COL16A1: variants seen among roughly 807,000 people sequenced by gnomAD.
COL16A1 encodes the protein collagen type XVI alpha 1 chain.
COL16A1 carries 189 observed loss-of-function variants against 266.3 expected under a neutral mutation model. The observed-to-expected ratio is 0.71, with a 90% CI of 0.63 to 0.80. The LOEUF (loss-of-function observed/expected upper bound fraction) is 0.80. Ranked by LOEUF, COL16A1 falls within the 30% of genes least tolerant of loss-of-function variation. COL16A1 has a pLI of 0.00. For synonymous variants in COL16A1, 740 were observed against 782.3 expected (o/e 0.95, Z 0.90); for missense variants, 1,928 against 2,122.4 (o/e 0.91, Z 1.80).
Position 31,668,655 on chromosome 1 carries a change from T to A in COL16A1, c.3249+147A>T, listed in dbSNP as rs1570411361. ...CTGGGGGAGTGTGGAAACCTCACAC[T>A]GAGGGAATCCCGGCAGAAGGGCAGA... On this transcript the variant is annotated intron_variant, in intron 50 of 70. Coordinates refer to ENST00000373672, the MANE Select transcript of COL16A1 (RefSeq NM_001856.4). The surrounding 1 kb of genome is among the most constrained non-coding windows in gnomAD (Gnocchi z 5.8). 1 of 892,926 alleles carries A rather than the reference T, an allele frequency of 1.1e-6. No homozygotes were observed. The allele number at this position is 892,926 out of a possible 1,614,324, so 55.3% of individuals were successfully genotyped here.
At position 31,664,825 on chromosome 1, in the gene COL16A1, G is replaced by A. The variant is rs998140746; in HGVS notation, c.3555+347C>T. Reference sequence around the variant, plus strand: ...TCGCTCATCCTCCCGCCCAGGAGACGAAGGTGGCCTGGGCTGCCTATCACA... The same window carrying A: ...TCGCTCATCCTCCCGCCCAGGAGACAAAGGTGGCCTGGGCTGCCTATCACA... On this transcript the variant is annotated intron_variant, in intron 56 of 70. Transcript: ENST00000373672. The surrounding 1 kb of genome is among the most constrained non-coding windows in gnomAD (Gnocchi z 5.5). Among the ~76,000 whole-genome samples, 14 of 152,032 alleles carry A rather than the reference G, an allele frequency of 9.2e-5. No individual in the cohort carries two copies. Among genetic ancestry groups the A allele is most frequent in the South Asian group, 2.1e-4 (1 of 4,830 alleles).
At chr1:31,654,431 A>G (rs563548803) in intron 68 of COL16A1, among the ~76,000 whole-genome samples, 1 of 151,854 alleles carries the variant, frequency 6.6e-6, no homozygotes, top group African/African-American at 2.4e-5. Context: ...TTGGATGAAC[A>G]AATGAACAGA....
chr1:31,679,898 A>G, intron 40 of COL16A1, 47 bp from the exon 41 acceptor site: 1 of 1,509,438 alleles, frequency 6.6e-7, no homozygotes, highest in South Asian at 1.3e-5. Context: ...GTTATAGGCA[A>G]CGTCTACACC....
chr1:31,669,319 C>T (rs1029150384), intron 49 of COL16A1, among the ~76,000 whole-genome samples: 10 of 151,896 alleles, frequency 6.6e-5, no homozygotes, highest in Non-Finnish European at 1.3e-4. Context: ...TGTCCAAGTC[C>T]CCCACCCCAA....
intron 42 of COL16A1, among the ~76,000 whole-genome samples, chr1:31,676,132 C>T (rs1245128534): frequency 6.6e-6 from 1 of 152,100 alleles, no homozygotes; most frequent in Non-Finnish European, 1.5e-5. Context: ...CGAGACCAGC[C>T]TGGCCAACAT....
chr1:31,675,148 T>G (rs1643075645), intron 43 of COL16A1, 109 bp from the exon 44 acceptor site: 1 of 1,609,380 alleles, frequency 6.2e-7, no homozygotes, highest in African/African-American at 1.3e-5. Context: ...GCCTCAGAAG[T>G]GGGAGAGAAG....
intron 63 of COL16A1, 35 bp from the exon 64 acceptor site, chr1:31,658,612 G>A: frequency 1.3e-6 from 2 of 1,552,566 alleles, no homozygotes; most frequent in Non-Finnish European, 1.8e-6. Context: ...GAGAGGGGAG[G>A]AAAGCAGGCA....
chr1:31,675,313 T>C lies in COL16A1; in HGVS notation c.2773-2A>G. On this transcript the variant is annotated splice_acceptor_variant, in intron 42 of 70. Coordinates refer to ENST00000373672, the MANE Select transcript of COL16A1 (RefSeq NM_001856.4). LOFTEE classifies it high-confidence loss of function. ...CAAACCGTTGTTTCCAGGCACTCCCTGTAGCCAAGAAGAGACACGAGTGAG... is the reference window on the plus strand; with the variant it reads ...CAAACCGTTGTTTCCAGGCACTCCCCGTAGCCAAGAAGAGACACGAGTGAG... The C allele has an allele frequency of 1.2e-6, 2 of 1,613,740 alleles. No homozygotes were observed. Among genetic ancestry groups the C allele is most frequent in the South Asian group, 1.1e-5 (1 of 90,914 alleles).
At chr1:31,689,608 G>C (rs1489062263) in intron 23 of COL16A1, 133 bp downstream of exon 23, 2 of 728,304 alleles carry the variant, frequency 2.7e-6, no homozygotes, top group Non-Finnish European at 4.8e-6. Context: ...TAAGAGCCTA[G>C]ACTCTCTGCC....
chr1:31,691,143 C>G (rs748533570), intron 20 of COL16A1, 45 bp downstream of exon 20: 8 of 1,600,274 alleles, frequency 5.0e-6, no homozygotes, highest in Non-Finnish European at 6.8e-6. Context: ...CTCCTCCTGT[C>G]AAGCATGGAG....
chr1:31,671,259 C>T (rs1158090073), intron 48 of COL16A1, among the ~76,000 whole-genome samples: 2 of 152,206 alleles, frequency 1.3e-5, no homozygotes, highest in East Asian at 1.9e-4. Flanking sequence ...GCCAGCATGC[C>T]GCATGCTTCC....
chr1:31,698,393 A>T lies in COL16A1; in HGVS notation c.390+90T>A. 2 of 1,575,416 alleles carry T rather than the reference A, an allele frequency of 1.3e-6. No individual in the cohort carries two copies. The highest frequency in any genetic ancestry group is 1.7e-6 in the Non-Finnish European group (2 of 1,158,382). On this transcript the variant is annotated intron_variant, in intron 5 of 70. Coordinates refer to ENST00000373672, the MANE Select transcript of COL16A1 (RefSeq NM_001856.4). This position sits in a 1 kb window ranked among gnomAD's most constrained non-coding sequence, Gnocchi z 4.1. ...GGTAGGCACAGGATGGAGCAGGGAG[A>T]CCCCAGAAGTCACAAGCCGGGATGA...
chr1:31,689,978 G>C (rs1008831319), intron 22 of COL16A1, 127 bp from the exon 23 acceptor site: 14 of 752,116 alleles, frequency 1.9e-5, no homozygotes, highest in Non-Finnish European at 2.5e-5. Flanking sequence ...CATCAAAGTG[G>C]ACAGCAGGAA....
rs1203199057 is a variant in COL16A1 at position 31,702,319 on chromosome 1, G to A, written c.-34-92C>T. The A allele has an allele frequency of 1.6e-5, 22 of 1,352,138 alleles. No homozygotes were observed. In the East Asian group the frequency reaches 5.0e-4, roughly 31 times the overall value. The allele number at this position is 1,352,138 out of a possible 1,614,324, so 83.8% of individuals were successfully genotyped here. On this transcript the variant is annotated intron_variant, in intron 1 of 70. Coordinates refer to ENST00000373672, the MANE Select transcript of COL16A1 (RefSeq NM_001856.4). ...AGTCGTGGACAGCCTGTGGGGCCCA[G>A]GCACTGGTATTGGGGTGGCAGGAGG...
intron 31 of COL16A1, 108 bp downstream of exon 31, chr1:31,684,415 A>G: frequency 6.6e-7 from 1 of 1,519,116 alleles, no homozygotes; most frequent in Non-Finnish European, 8.8e-7. Context: ...AGTGACTCTG[A>G]CAGCCGTTAA....
Position 31,694,170 on chromosome 1 carries a change from C to T in COL16A1, c.982G>A (p.Val328Ile), listed in dbSNP as rs759152012. ...PCVHGARDSNVTLAPSGPKGG... is the reference protein window; with the variant it reads ...PCVHGARDSNITLAPSGPKGG... ...TTGGGGCCAGAGGGAGCAAGTGTGA[C>T]CTGAGGGGACAGAGGAGAGGGCATC... Residue 328 changes from valine (V) to isoleucine (I), a missense_variant and splice_region_variant, in exon 12 of 71, where the codon GTC (valine) becomes ATC (isoleucine). Physicochemically the swap from Val to Ile is conservative, Grantham distance 29. This residue lies in a region of COL16A1 where 1,552 missense variants were observed against 1,637.2 expected (regional missense o/e 0.95). Coordinates refer to ENST00000373672, the MANE Select transcript of COL16A1 (RefSeq NM_001856.4). The T allele has an allele frequency of 6.3e-6, 10 of 1,591,910 alleles. No individual in the cohort carries two copies. Among genetic ancestry groups the T allele is most frequent in the Non-Finnish European group, 8.6e-6 (10 of 1,166,052 alleles).
intron 52 of COL16A1, chr1:31,666,476 T>G: frequency 4.0e-6 from 1 of 253,052 alleles, no homozygotes; most frequent in Non-Finnish European, 7.6e-6. Flanking sequence ...CCACTTCTCC[T>G]CCCTCTCTCC....
At chr1:31,666,325 T>TTC (rs1005165719) in intron 52 of COL16A1, 2 of 558,978 alleles carry the variant, frequency 3.6e-6, no homozygotes, top group African/African-American at 3.8e-5. Context: ...GGCTGCCCTC[T>TTC]TCTCCTCCAG....
intron 42 of COL16A1, 73 bp from the exon 43 acceptor site, chr1:31,675,384 T>C: frequency 3.2e-6 from 5 of 1,566,852 alleles, no homozygotes; most frequent in Non-Finnish European, 4.3e-6. Flanking sequence ...TTCCTTCTCA[T>C]CATCCCCGCC....
Sources: allele counts gnomAD v4.1 joint callset (sites outside exome capture counted in the v4.1 genomes callset), GRCh38; gene constraint gnomAD v4.1.1; regional missense constraint gnomAD v4.1.1; non-coding constraint Gnocchi (gnomAD v3.1); transcripts MANE v1.5; gene names NCBI Gene and HGNC (gene_info 2026-07-23, HGNC 2026-07-21).